Variants in PCCB observed in about 807,000 individuals in gnomAD.
PCCB encodes propionyl-CoA carboxylase beta chain, mitochondrial.
PCCB carries 43 observed loss-of-function variants against 60.7 expected under a neutral mutation model. The observed-to-expected ratio is 0.71, with a 90% confidence interval of 0.55 to 0.91. The LOEUF is 0.91. PCCB is among the 40% of genes least tolerant of loss of function. The pLI, the probability that PCCB is intolerant of heterozygous loss-of-function variation, is 0.00. For synonymous variants in PCCB, 276 were observed against 255.9 expected (o/e 1.08, Z -0.75); for missense variants, 766 against 702.8 (o/e 1.09, Z -1.02).
At chr3:136,268,108 ATATATATATATATG>A (rs1225343241) in intron 5 of PCCB, among the ~76,000 whole-genome samples, 29 of 125,528 alleles carry the variant, frequency 2.3e-4, no homozygotes, top group African/African-American at 8.3e-4. Context: ...ATATATATAT[ATATATATATATATG>A]TATATATATA....
chr3:136,261,400 A>G (rs1941819715), intron 4 of PCCB, among the ~76,000 whole-genome samples: 1 of 152,216 alleles, frequency 6.6e-6, no homozygotes, highest in Admixed American at 6.5e-5. Flanking sequence ...TCCCTCTGTT[A>G]TGATGGGTAA....
chr3:136,257,384 G>A (rs974791936), intron 3 of PCCB, among the ~76,000 whole-genome samples: 1 of 152,202 alleles, frequency 6.6e-6, no homozygotes, highest in African/African-American at 2.4e-5. Flanking sequence ...TTCCCCTGGA[G>A]CCTCCAGAAG....
chr3:136,266,168 G>A (rs1347262125), intron 5 of PCCB, among the ~76,000 whole-genome samples: 1 of 149,780 alleles, frequency 6.7e-6, no homozygotes, highest in Non-Finnish European at 1.5e-5. Flanking sequence ...TCACTCTGTG[G>A]CCCAGGCTGG....
chr3:136,312,499 C>A lies in PCCB; in HGVS notation c.967-4442C>A, dbSNP rs919131607. ...ATATGATAATGATATTTTATCAAAT[C>A]TCAGGGGCAAAAATTAGCTTTTAAT... On this transcript the variant is annotated intron_variant, in intron 9 of 14. Transcript: ENST00000251654. Among the ~76,000 whole-genome samples, 10 of 152,280 alleles carry A rather than the reference C, an allele frequency of 6.6e-5. No individual in the cohort carries two copies. The Middle Eastern group carries it at 0.017, about 259-fold the overall frequency.
intron 5 of PCCB, among the ~76,000 whole-genome samples, chr3:136,268,850 A>G (rs900121539): frequency 2.0e-5 from 3 of 152,186 alleles, no homozygotes; most frequent in South Asian, 2.1e-4. Context: ...GAGAATTTAC[A>G]TCCTAACATA....
intron 6 of PCCB, among the ~76,000 whole-genome samples, chr3:136,284,359 C>G (rs1933256806): frequency 6.6e-6 from 1 of 152,074 alleles, no homozygotes; most frequent in African/African-American, 2.4e-5. Context: ...TACATTGTGT[C>G]CATAATGGTA....
intron 5 of PCCB, among the ~76,000 whole-genome samples, chr3:136,264,917 C>T (rs111585660): frequency 0.012 from 1,807 of 149,102 alleles, 33 homozygotes; most frequent in East Asian, 0.047. Context: ...TTAATAGGGC[C>T]GGGCACGGTG....
intron 6 of PCCB, among the ~76,000 whole-genome samples, chr3:136,285,088 CA>C (rs61543332): frequency 0.67 from 71,935 of 107,068 alleles, 23,105 homozygotes; most frequent in East Asian, 0.77. Context: ...GACCCTGCCT[CA>C]AAAAAAAAAA....
At chr3:136,264,924 G>A (rs147726582) in intron 5 of PCCB, among the ~76,000 whole-genome samples, 2,713 of 149,916 alleles carry the variant, frequency 0.018, 75 homozygotes, top group African/African-American at 0.061. Context: ...GGCCGGGCAC[G>A]GTGGCTCATG....
At chr3:136,259,037 C>G in intron 3 of PCCB, 1 of 690,098 alleles carries the variant, frequency 1.4e-6, no homozygotes, top group Non-Finnish European at 2.0e-6. Flanking sequence ...TTCTTAATTC[C>G]TAACTGTCTT....
intron 6 of PCCB, among the ~76,000 whole-genome samples, chr3:136,288,491 A>G (rs1279424): frequency 0.37 from 56,019 of 150,818 alleles, 12,773 homozygotes; most frequent in East Asian, 0.81. Flanking sequence ...GACTACAGGC[A>G]CACACTGCCA....
chr3:136,307,066 A>G (rs577569943), intron 9 of PCCB, among the ~76,000 whole-genome samples: 1 of 123,122 alleles, frequency 8.1e-6, no homozygotes, highest in Admixed American at 9.7e-5. Context: ...AAGCAAGGAA[A>G]CAACAGAAAA....
intron 13 of PCCB, among the ~76,000 whole-genome samples, chr3:136,328,086 C>A (rs1935398399): frequency 1.3e-5 from 2 of 152,166 alleles, no homozygotes; most frequent in African/African-American, 4.8e-5. Context: ...TCTCCCAGCT[C>A]CACCTCAGCT....
intron 9 of PCCB, among the ~76,000 whole-genome samples, chr3:136,307,515 A>C (rs1380803913): frequency 6.6e-6 from 1 of 152,210 alleles, no homozygotes; most frequent in Non-Finnish European, 1.5e-5. Flanking sequence ...AAATGAACTA[A>C]AGGCATCAAA....
chr3:136,252,044 C>T (rs1941531354), intron 1 of PCCB, among the ~76,000 whole-genome samples: 1 of 150,510 alleles, frequency 6.6e-6, no homozygotes, highest in African/African-American at 2.4e-5. Context: ...TGCCTGGCAA[C>T]TTTTTTTTTG....
chr3:136,313,532 AAC>A (rs1248537371), intron 9 of PCCB, among the ~76,000 whole-genome samples: 1 of 152,198 alleles, frequency 6.6e-6, no homozygotes, highest in African/African-American at 2.4e-5. Context: ...TACAAATGCA[AAC>A]ACACACATAA....
intron 8 of PCCB, among the ~76,000 whole-genome samples, chr3:136,300,293 AC>A (rs1934215452): frequency 6.6e-6 from 1 of 152,236 alleles, no homozygotes; most frequent in Admixed American, 6.5e-5. Context: ...ACATGGCCTG[AC>A]CCAAGGCCAA....
chr3:136,270,246 G>A (rs1942158330), intron 5 of PCCB, among the ~76,000 whole-genome samples: 1 of 151,694 alleles, frequency 6.6e-6, no homozygotes, highest in Non-Finnish European at 1.5e-5. Flanking sequence ...ATCCTTTTTT[G>A]GAAGGTGCTG....
At chr3:136,281,642 A>AT (rs1241052778) in intron 5 of PCCB, among the ~76,000 whole-genome samples, 2 of 151,546 alleles carry the variant, frequency 1.3e-5, no homozygotes, top group Admixed American at 1.3e-4. Context: ...TTGTTAAATT[A>AT]TTTTTTTCTT....
Sources: allele counts gnomAD v4.1 joint callset (sites outside exome capture counted in the v4.1 genomes callset), GRCh38; gene constraint gnomAD v4.1.1; transcripts MANE v1.5; gene names NCBI Gene and HGNC (gene_info 2026-07-23, HGNC 2026-07-21).